Variants in PACRG observed in about 807,000 individuals in gnomAD.
The protein encoded by PACRG is parkin coregulated gene protein.
Under a neutral mutation model 29.7 loss-of-function variants are expected in PACRG, and 29 were observed. The ratio of observed to expected loss-of-function variants is 0.98; its 90% CI spans 0.73 to 1.33. The LOEUF is 1.33. Ranked by LOEUF, PACRG falls within the 40% of genes most tolerant of loss-of-function variation. PACRG has a pLI of 0.00. For synonymous variants in PACRG, 116 were observed against 118.7 expected (o/e 0.98, Z 0.15); for missense variants, 279 against 316.2 (o/e 0.88, Z 0.89).
intron 4 of PACRG, chr6:163,179,185 CTGCTCCTCACATGTGCGTCT>C: frequency 2.2e-6 from 1 of 456,002 alleles, no homozygotes; most frequent in Non-Finnish European, 4.4e-6. Flanking sequence ...CTGATGTCCG[CTGCTCCTCACATGTGCGTCT>C]TATCTTGGAG....
chr6:162,859,172 C>T (rs4709655), intron 2 of PACRG, among the ~76,000 whole-genome samples: 17,248 of 151,910 alleles, frequency 0.11, 1,055 homozygotes, highest in Middle Eastern at 0.13. Flanking sequence ...TTATGCTTGT[C>T]TCTTTTCCCG....
chr6:163,187,397 G>C (rs1779994622), intron 4 of PACRG, among the ~76,000 whole-genome samples: 1 of 152,086 alleles, frequency 6.6e-6, no homozygotes, highest in Admixed American at 6.5e-5. Flanking sequence ...CGCCTTTCCA[G>C]TGGCTCAGGA....
At chr6:163,062,054 G>A (rs929147781) in intron 2 of PACRG, 96 bp from the exon 3 acceptor site, 36 of 1,229,892 alleles carry the variant, frequency 2.9e-5, no homozygotes, top group East Asian at 7.0e-5. Context: ...TCTAAAGAGC[G>A]TGCCCCTCTG....
intron 2 of PACRG, among the ~76,000 whole-genome samples, chr6:162,890,603 C>T (rs1794682413): frequency 6.6e-6 from 1 of 152,184 alleles, no homozygotes; most frequent in Non-Finnish European, 1.5e-5. Flanking sequence ...TCCTCAGGGT[C>T]ACTTAGAGAA....
intron 2 of PACRG, among the ~76,000 whole-genome samples, chr6:162,960,674 G>A (rs1466756020): frequency 6.6e-6 from 1 of 152,136 alleles, no homozygotes; most frequent in African/African-American, 2.4e-5. Flanking sequence ...CTACCTGGAT[G>A]CAATATATTC....
intron 4 of PACRG, among the ~76,000 whole-genome samples, chr6:163,209,798 C>T (rs978999051): frequency 1.3e-5 from 2 of 152,166 alleles, no homozygotes; most frequent in Non-Finnish European, 2.9e-5. Context: ...CTGAAAACTT[C>T]CATATGTCTA....
chr6:163,027,233 A>G (rs1363980976), intron 2 of PACRG, among the ~76,000 whole-genome samples: 2 of 152,188 alleles, frequency 1.3e-5, no homozygotes, highest in Non-Finnish European at 2.9e-5. Context: ...GCTTGCAGGC[A>G]TTCTGCATTT....
chr6:162,919,880 A>C (rs1338387795), intron 2 of PACRG, among the ~76,000 whole-genome samples: 1 of 152,114 alleles, frequency 6.6e-6, no homozygotes, highest in Non-Finnish European at 1.5e-5. Flanking sequence ...CAATATATTA[A>C]ATATATATAA....
intron 4 of PACRG, among the ~76,000 whole-genome samples, chr6:163,223,151 T>C (rs1303926189): frequency 2.0e-5 from 3 of 152,094 alleles, no homozygotes; most frequent in Non-Finnish European, 1.5e-5. Flanking sequence ...ACCAGTACTT[T>C]GGGGGGCCGA....
chr6:163,268,185 G>A (rs980745761), intron 4 of PACRG, among the ~76,000 whole-genome samples: 4 of 152,206 alleles, frequency 2.6e-5, no homozygotes, highest in Non-Finnish European at 4.4e-5. Context: ...TGGATCACAA[G>A]GTCAGGGGAT....
At chr6:162,852,068 T>G (rs1790958363) in intron 2 of PACRG, among the ~76,000 whole-genome samples, 1 of 145,270 alleles carries the variant, frequency 6.9e-6, no homozygotes. Flanking sequence ...GGATAAATTT[T>G]GTCATTAGAA....
At position 162,828,919 on chromosome 6, in the gene PACRG, A is replaced by G. The variant is rs187294021; in HGVS notation, c.291+14638A>G. On this transcript the variant is annotated intron_variant, in intron 2 of 4. Transcript: ENST00000366888. ...TAACCCGACACTAATGAATTAACAAATTATATTTTAATTAAATTTTTATTC... is the reference window on the plus strand; with the variant it reads ...TAACCCGACACTAATGAATTAACAAGTTATATTTTAATTAAATTTTTATTC... 2.5e-3 allele frequency among the ~76,000 whole-genome samples: 385 copies of G among 152,334 alleles called. 2 individuals are homozygous for G. The highest frequency in any genetic ancestry group is 4.2e-3 in the Non-Finnish European group (289 of 68,024).
At chr6:163,203,454 A>G (rs145486895) in intron 4 of PACRG, among the ~76,000 whole-genome samples, 112 of 152,284 alleles carry the variant, frequency 7.4e-4, no homozygotes, top group Non-Finnish European at 1.4e-3. Flanking sequence ...AACATTGTAG[A>G]AGAAGGAAAC....
chr6:163,101,006 T>C (rs1309508591), intron 4 of PACRG: 1 of 983,814 alleles, frequency 1.0e-6, no homozygotes, highest in East Asian at 1.1e-4. Flanking sequence ...ATTTACTTTT[T>C]TTGCTCTTAA....
intron 4 of PACRG, among the ~76,000 whole-genome samples, chr6:163,113,598 C>A (rs1815827339): frequency 6.6e-6 from 1 of 151,998 alleles, no homozygotes; most frequent in Non-Finnish European, 1.5e-5. Context: ...ATGTATTTAG[C>A]AAGGAAAAAC....
intron 4 of PACRG, among the ~76,000 whole-genome samples, chr6:163,200,815 C>A (rs562070339): frequency 6.6e-6 from 1 of 152,348 alleles, no homozygotes; most frequent in Admixed American, 6.5e-5. Context: ...TCCCAGGACA[C>A]AGAACATTCC....
At chr6:162,947,619 T>TATATATATATATATATATATATAATC (rs1799304723) in intron 2 of PACRG, among the ~76,000 whole-genome samples, 1 of 47,314 alleles carries the variant, frequency 2.1e-5, no homozygotes, top group Non-Finnish European at 4.0e-5. Flanking sequence ...ATCATATATA[T>TATATATATATATATATATATATAATC]ATATATATAT....
intron 2 of PACRG, among the ~76,000 whole-genome samples, chr6:163,052,987 G>C (rs1207255113): frequency 6.6e-6 from 1 of 152,182 alleles, no homozygotes; most frequent in African/African-American, 2.4e-5. Context: ...TGTAATCCAG[G>C]TATTCACATA....
chr6:162,768,872 G>A (rs1350344682), intron 1 of PACRG, among the ~76,000 whole-genome samples: 3 of 152,172 alleles, frequency 2.0e-5, no homozygotes, highest in Non-Finnish European at 4.4e-5. Flanking sequence ...TTTAAACTCA[G>A]AAGTGAGCTT....
Sources: gnomAD v4.1 joint callset for allele counts (sites outside exome capture counted in the v4.1 genomes callset) on GRCh38, gnomAD v4.1.1 for gene constraint, MANE v1.5 for transcripts, NCBI Gene and HGNC (gene_info 2026-07-23, HGNC 2026-07-21) for gene names.